COMT: variants seen among roughly 807,000 people sequenced by gnomAD.
The protein encoded by COMT is catechol O-methyltransferase.
Under a neutral mutation model 18.9 loss-of-function variants are expected in COMT, and 13 were observed. The observed-to-expected ratio is 0.69, with a 90% CI of 0.45 to 1.09. The LOEUF (loss-of-function observed/expected upper bound fraction) is 1.09, where lower values mean the gene tolerates loss of function less well. COMT is among the 50% of genes least tolerant of loss of function. The pLI, the probability that COMT is intolerant of heterozygous loss-of-function variation, is 0.00. For missense variants in COMT, 329 were observed against 361.8 expected, an observed-to-expected ratio of 0.91 and a Z score of 0.73; for synonymous variants, 150 against 160.9, an observed-to-expected ratio of 0.93 and a Z score of 0.51.
chr22:19,943,093 C>T (rs116969180), intron 1 of COMT, among the ~76,000 whole-genome samples: 195 of 152,280 alleles, frequency 1.3e-3, no homozygotes, highest in Non-Finnish European at 1.9e-3. Flanking sequence ...TGTTAGTGTT[C>T]GTTCCAGCCT....
At chr22:19,949,165 C>G (rs1213056454) in intron 1 of COMT, among the ~76,000 whole-genome samples, 2 of 151,964 alleles carry the variant, frequency 1.3e-5, no homozygotes, top group Non-Finnish European at 2.9e-5. Flanking sequence ...GAGACAGAAT[C>G]TCAGTCTGTC....
At chr22:19,951,765 C>T (rs1013377362) in intron 1 of COMT, 1 of 152,232 alleles carries the variant, frequency 6.6e-6, no homozygotes, top group African/African-American at 2.4e-5. Context: ...ACAGTGGGGA[C>T]TCAGTGGAGT....
chr22:19,952,655 A>G (rs1203285904), intron 1 of COMT, among the ~76,000 whole-genome samples: 4 of 125,854 alleles, frequency 3.2e-5, no homozygotes, highest in African/African-American at 1.1e-4. Flanking sequence ...AAACAAAACA[A>G]CAACAAAAAA....
intron 5 of COMT, chr22:19,967,084 A>C: frequency 8.1e-7 from 1 of 1,238,226 alleles, no homozygotes; most frequent in African/African-American, 1.6e-5. Context: ...TTCGTAAAGG[A>C]GTGGGCCCCT....
intron 1 of COMT, among the ~76,000 whole-genome samples, chr22:19,946,209 AG>A (rs1235359841): frequency 1.4e-4 from 21 of 151,044 alleles, no homozygotes; most frequent in Non-Finnish European, 2.9e-4. Context: ...TGTCACGCCC[AG>A]GTGCAGTGGC....
At chr22:19,944,838 A>G (rs796084828) in intron 1 of COMT, among the ~76,000 whole-genome samples, 1 of 152,158 alleles carries the variant, frequency 6.6e-6, no homozygotes, top group Admixed American at 6.5e-5. Flanking sequence ...AAAACAAAAC[A>G]AAACAAAACA....
At chr22:19,952,774 A>G (rs1261479391) in intron 1 of COMT, among the ~76,000 whole-genome samples, 2 of 151,928 alleles carry the variant, frequency 1.3e-5, no homozygotes, top group African/African-American at 4.8e-5. Context: ...AACATGGTGA[A>G]ACCTTGTCTC....
At chr22:19,955,118 C>T (rs1391204908) in intron 1 of COMT, among the ~76,000 whole-genome samples, 1 of 152,242 alleles carries the variant, frequency 6.6e-6, no homozygotes, top group Non-Finnish European at 1.5e-5. Context: ...AATCCTCCCA[C>T]TTCAGCCTCC....
At chr22:19,951,071 A>C (rs1031914649) in intron 1 of COMT, 2 of 152,240 alleles carry the variant, frequency 1.3e-5, no homozygotes, top group Non-Finnish European at 2.9e-5. Flanking sequence ...CGTTCAGAAG[A>C]AGCCTGGGGC....
intron 5 of COMT, among the ~76,000 whole-genome samples, chr22:19,966,632 G>T (rs150537601): frequency 1.0e-3 from 153 of 152,026 alleles, no homozygotes; most frequent in African/African-American, 3.5e-3. Flanking sequence ...GTAGAAATGG[G>T]GTCTCCCTAT....
At position 19,954,218 on chromosome 22, in the gene COMT, CAAA is replaced by C. The variant is rs361699; in HGVS notation, c.-91-6970_-91-6968del. 6.6e-5 allele frequency among the ~76,000 whole-genome samples: 9 copies of C among 135,440 alleles called. No individual in the cohort carries two copies. The East Asian group carries it at 1.5e-3, about 23-fold the overall frequency. 88.9% of individuals were successfully genotyped at this position (135,440 alleles called of 152,430 possible). ...TCCCTTTAGCTATTAGGTATTGAGT[CAAA>C]AAAAAAAAAAGCCTTCCCCTGAGCC... On this transcript the variant is annotated intron_variant, in intron 1 of 5. Coordinates refer to ENST00000361682, the MANE Select transcript of COMT (RefSeq NM_000754.4).
intron 1 of COMT, chr22:19,951,594 T>C (rs1941940450): frequency 6.6e-6 from 1 of 152,116 alleles, no homozygotes; most frequent in Admixed American, 6.6e-5. Flanking sequence ...GGATGGTGGT[T>C]CCCATCCAGA....
rs749057584 is a variant in COMT, at chr22:19,941,802, A to G, written c.-187A>G. On this transcript the variant is annotated 5_prime_UTR_variant, in exon 1 of 6. Coordinates refer to ENST00000361682, the MANE Select transcript of COMT (RefSeq NM_000754.4). ...CCGCAGCGCCACCGCCATTGCCGCCATCGTCGTGGGGCTTCTGGGGCAGCT... is the reference window on the plus strand; with the variant it reads ...CCGCAGCGCCACCGCCATTGCCGCCGTCGTCGTGGGGCTTCTGGGGCAGCT... 81 of 1,534,352 alleles carry G rather than the reference A, an allele frequency of 5.3e-5. No homozygotes were observed. The highest frequency in any genetic ancestry group is 3.9e-4 in the African/African-American group (27 of 69,802).
chr22:19,952,623 A>C (rs945071681), intron 1 of COMT, among the ~76,000 whole-genome samples: 3 of 150,344 alleles, frequency 2.0e-5, no homozygotes, highest in African/African-American at 7.3e-5. Context: ...TGGGAGACAG[A>C]GCAAGACTCC....
intron 4 of COMT, 85 bp downstream of exon 4, chr22:19,963,844 G>C: frequency 1.4e-6 from 2 of 1,474,950 alleles, no homozygotes; most frequent in Non-Finnish European, 1.8e-6. Flanking sequence ...CTCCCCACCA[G>C]GTGTTCACAC....
At position 19,962,730 on chromosome 22, in the gene COMT, G is replaced by A. The variant is rs905166477; in HGVS notation, c.204G>A (p.Glu68=). ...RILNHVLQHA[E]PGNAQSVLEA... ...TGAACCACGTGCTGCAGCATGCGGA[G>A]CCCGGGAACGCACAGAGCGTGCTGG... Residue 68 remains glutamate, a synonymous_variant, in exon 3 of 6, where the codon GAG becomes GAA. Transcript: ENST00000361682. 4 of 1,613,628 alleles carry A rather than the reference G, an allele frequency of 2.5e-6. No homozygotes were observed. In the African/African-American group the frequency reaches 4.0e-5, roughly 16 times the overall value.
At chr22:19,950,090 G>A (rs1037140484) in intron 1 of COMT, among the ~76,000 whole-genome samples, 13 of 151,950 alleles carry the variant, frequency 8.6e-5, no homozygotes, top group Admixed American at 2.6e-4. Flanking sequence ...TGACTCTGAG[G>A]TTGAAAGTTA....
intron 1 of COMT, among the ~76,000 whole-genome samples, chr22:19,948,520 C>T (rs1941875928): frequency 6.6e-6 from 1 of 152,028 alleles, no homozygotes; most frequent in Admixed American, 6.6e-5. Flanking sequence ...ATTAGCTGGG[C>T]ATGGTGGTAC....
At chr22:19,963,085 G>A (rs1167675991) in intron 3 of COMT, among the ~76,000 whole-genome samples, 3 of 152,104 alleles carry the variant, frequency 2.0e-5, no homozygotes, top group Non-Finnish European at 4.4e-5. Context: ...ACTCTGTTCT[G>A]GCCACCATGG....
Sources: allele counts gnomAD v4.1 joint callset (sites outside exome capture counted in the v4.1 genomes callset), GRCh38; gene constraint gnomAD v4.1.1; transcripts MANE v1.5; gene names NCBI Gene and HGNC (gene_info 2026-07-23, HGNC 2026-07-21).